Variants in CDK14 observed in about 807,000 individuals in gnomAD.
The protein encoded by CDK14 is cyclin dependent kinase 14.
A neutral mutation model predicts 60.7 loss-of-function variants in CDK14; 34 were observed. That is an observed-to-expected ratio of 0.56 (90% CI 0.43 to 0.75). The LOEUF (loss-of-function observed/expected upper bound fraction) is 0.75, where lower values mean the gene tolerates loss of function less well. CDK14 is among the 30% of genes least tolerant of loss of function. The probability of loss-of-function intolerance (pLI) is 0.00; values close to 1 mark genes in which losing one functional copy is unlikely to be tolerated. For synonymous variants in CDK14, 197 were observed against 203.7 expected, an observed-to-expected ratio of 0.97 and a Z score of 0.28; for missense variants, 482 against 564.1, an observed-to-expected ratio of 0.85 and a Z score of 1.47.
At chr7:90,690,187 A>G (rs1353347824) in intron 2 of CDK14, among the ~76,000 whole-genome samples, 3 of 152,208 alleles carry the variant, frequency 2.0e-5, no homozygotes, top group Non-Finnish European at 4.4e-5. Flanking sequence ...TGTAAACCCT[A>G]TAAAGCAGAC....
intron 12 of CDK14, among the ~76,000 whole-genome samples, chr7:91,112,177 A>G (rs73230848): frequency 0.074 from 11,193 of 152,230 alleles, 495 homozygotes; most frequent in Admixed American, 0.14. Flanking sequence ...TTAATTTTCT[A>G]TAAATATATC....
At chr7:90,878,212 G>T (rs1791628563) in intron 6 of CDK14, among the ~76,000 whole-genome samples, 1 of 151,994 alleles carries the variant, frequency 6.6e-6, no homozygotes, top group Admixed American at 6.6e-5. Context: ...GTTTCTCCTT[G>T]AAAGGAGGAC....
At chr7:90,912,913 G>A (rs757999678) in intron 7 of CDK14, among the ~76,000 whole-genome samples, 2 of 152,076 alleles carry the variant, frequency 1.3e-5, no homozygotes, top group African/African-American at 4.8e-5. Flanking sequence ...CCCCGGGCCT[G>A]ATTAAGCTAT....
chr7:91,130,086 A>C (rs1414737908), intron 14 of CDK14, among the ~76,000 whole-genome samples: 3 of 152,172 alleles, frequency 2.0e-5, no homozygotes, highest in Non-Finnish European at 2.9e-5. Flanking sequence ...ATATATCTGA[A>C]AGGGCTATTA....
At chr7:90,781,438 A>G (rs1175873958) in intron 4 of CDK14, among the ~76,000 whole-genome samples, 2 of 150,686 alleles carry the variant, frequency 1.3e-5, no homozygotes, top group Non-Finnish European at 3.0e-5. Flanking sequence ...CCATTTGTCA[A>G]TTTTGTCTTT....
At chr7:90,914,675 C>A (rs1793015885) in intron 7 of CDK14, among the ~76,000 whole-genome samples, 1 of 152,054 alleles carries the variant, frequency 6.6e-6, no homozygotes, top group Admixed American at 6.6e-5. Context: ...TTTTAAATCT[C>A]CTTTAATATG....
chr7:91,083,149 C>T (rs1258716202), intron 12 of CDK14, among the ~76,000 whole-genome samples: 1 of 151,712 alleles, frequency 6.6e-6, no homozygotes, highest in Non-Finnish European at 1.5e-5. Flanking sequence ...ATTCTATTTA[C>T]TTCAAAGTAA....
At chr7:90,744,725 C>A (rs1372675598) in intron 3 of CDK14, among the ~76,000 whole-genome samples, 2 of 111,576 alleles carry the variant, frequency 1.8e-5, no homozygotes, top group African/African-American at 6.9e-5. Flanking sequence ...CGGGCAGAGG[C>A]GCCCCTCACC....
At chr7:91,009,713 A>G (rs764926194) in intron 10 of CDK14, among the ~76,000 whole-genome samples, 3 of 151,812 alleles carry the variant, frequency 2.0e-5, no homozygotes, top group Non-Finnish European at 4.4e-5. Context: ...GAGTTTTGAG[A>G]GTGCTTTATT....
At chr7:90,806,213 C>A (rs1191025644) in intron 5 of CDK14, among the ~76,000 whole-genome samples, 1 of 151,822 alleles carries the variant, frequency 6.6e-6, no homozygotes, top group Non-Finnish European at 1.5e-5. Flanking sequence ...AATTTTGTGC[C>A]CTTGGATTAC....
intron 14 of CDK14, among the ~76,000 whole-genome samples, chr7:91,146,417 T>A (rs1800640277): frequency 6.6e-6 from 1 of 151,188 alleles, no homozygotes; most frequent in South Asian, 2.1e-4. Flanking sequence ...GCCCTGCTGG[T>A]CTTGAACTCA....
chr7:91,197,791 G>T (rs1249422772), intron 14 of CDK14, among the ~76,000 whole-genome samples: 1 of 152,200 alleles, frequency 6.6e-6, no homozygotes, highest in Non-Finnish European at 1.5e-5. Context: ...GCTCATCTTG[G>T]ATTCTATAGA....
chr7:90,812,337 A>G (rs559028989), intron 5 of CDK14, among the ~76,000 whole-genome samples: 74 of 152,340 alleles, frequency 4.9e-4, no homozygotes, highest in African/African-American at 1.6e-3. Context: ...TGAAGCTGGA[A>G]ACCATCATTC....
At chr7:90,831,359 A>G (rs1025402661) in intron 5 of CDK14, among the ~76,000 whole-genome samples, 4 of 152,132 alleles carry the variant, frequency 2.6e-5, no homozygotes, top group African/African-American at 9.7e-5. Flanking sequence ...GTTTTAACCT[A>G]TCAGATCTTG....
At chr7:90,963,930 G>A (rs898341159) in intron 9 of CDK14, among the ~76,000 whole-genome samples, 29 of 151,854 alleles carry the variant, frequency 1.9e-4, no homozygotes, top group African/African-American at 6.8e-4. Flanking sequence ...TGGTCAGGCT[G>A]GTCTCGAACT....
At chr7:90,820,432 GC>G (rs1370746595) in intron 5 of CDK14, among the ~76,000 whole-genome samples, 2 of 152,086 alleles carry the variant, frequency 1.3e-5, no homozygotes, top group African/African-American at 4.8e-5. Context: ...TTTCTCCCTT[GC>G]TGTTCTTGTA....
intron 5 of CDK14, among the ~76,000 whole-genome samples, chr7:90,814,520 A>G (rs1008227505): frequency 2.6e-5 from 4 of 151,962 alleles, no homozygotes; most frequent in Admixed American, 6.6e-5. Context: ...TGGTGGCTCA[A>G]TCCTGTAATC....
At chr7:90,695,679 GAGA>G (rs151002123) in intron 2 of CDK14, among the ~76,000 whole-genome samples, 2,909 of 152,284 alleles carry the variant, frequency 0.019, 91 homozygotes, top group African/African-American at 0.065. Flanking sequence ...AGGCATTTCT[GAGA>G]AGGTGACATG....
intron 2 of CDK14, among the ~76,000 whole-genome samples, chr7:90,638,814 GA>G (rs1388451693): frequency 6.6e-6 from 1 of 151,762 alleles, no homozygotes; most frequent in Non-Finnish European, 1.5e-5. Context: ...ATATTTCTTG[GA>G]GGCTTTGTTC....
Sources: gnomAD v4.1 joint callset for allele counts (sites outside exome capture counted in the v4.1 genomes callset) on GRCh38, gnomAD v4.1.1 for gene constraint, MANE v1.5 for transcripts, NCBI Gene and HGNC (gene_info 2026-07-23, HGNC 2026-07-21) for gene names.